The following NUDCD3 variants were observed in gnomAD, a reference collection of about 807,000 sequenced individuals.
NUDCD3 encodes the protein nudC domain-containing protein 3.
NUDCD3 carries 13 observed loss-of-function variants against 39.7 expected under a neutral mutation model. The observed-to-expected ratio is 0.33, with a 90% CI of 0.21 to 0.52. NUDCD3 has a LOEUF of 0.52. Ranked by LOEUF, NUDCD3 falls within the 20% of genes least tolerant of loss-of-function variation. The pLI is 0.96. For synonymous variants in NUDCD3, 175 were observed against 172.4 expected (o/e 1.02, Z -0.12); for missense variants, 453 against 458.1 (o/e 0.99, Z 0.10).
intron 2 of NUDCD3, among the ~76,000 whole-genome samples, chr7:44,443,600 G>A (rs563972161): frequency 1.3e-5 from 2 of 152,136 alleles, no homozygotes; most frequent in South Asian, 2.1e-4. Flanking sequence ...TAGTAGAGAC[G>A]GGGTTTCGCC....
At chr7:44,462,340 T>C (rs1800031646) in intron 2 of NUDCD3, among the ~76,000 whole-genome samples, 1 of 152,210 alleles carries the variant, frequency 6.6e-6, no homozygotes, top group Admixed American at 6.5e-5. Context: ...GAGTTACAGT[T>C]ACTGAACAAA....
intron 3 of NUDCD3, among the ~76,000 whole-genome samples, chr7:44,426,946 G>A (rs1318654549): frequency 6.6e-6 from 1 of 152,158 alleles, no homozygotes; most frequent in Non-Finnish European, 1.5e-5. Flanking sequence ...ATTAAAGGTT[G>A]TGGAGAATTA....
chr7:44,387,771 C>A (rs1185235971), intron 5 of NUDCD3, among the ~76,000 whole-genome samples: 2 of 152,180 alleles, frequency 1.3e-5, no homozygotes, highest in Non-Finnish European at 2.9e-5. Context: ...GTGCCAAGAT[C>A]AGCACTCAGA....
chr7:44,392,369 T>A lies in NUDCD3; in HGVS notation c.903A>T (p.Glu301Asp). The A allele has an allele frequency of 6.2e-7, 1 of 1,614,202 alleles. No individual in the cohort carries two copies. Among genetic ancestry groups the A allele is most frequent in the Non-Finnish European group, 8.5e-7 (1 of 1,180,020 alleles). ...AGGTAAGCCTGTCCAACACCGCCTG[T>A]TCCTCCTCATCCACGGTGGCCATGG... ...ERSMATVDEE[E>D]QAVLDRLTFD... is the part of the protein sequence containing the mutation. The change falls in exon 5 of 6, where the codon GAA (glutamate) becomes GAT (aspartate). Residue 301 changes from glutamate (E) to aspartate (D), a missense_variant. Transcript: ENST00000355451.
intron 3 of NUDCD3, among the ~76,000 whole-genome samples, chr7:44,425,474 T>A (rs1799216318): frequency 6.6e-6 from 1 of 152,196 alleles, no homozygotes; most frequent in Non-Finnish European, 1.5e-5. Context: ...CATTGTTACT[T>A]GAGATTTTTT....
At chr7:44,457,500 A>G (rs1233222168) in intron 2 of NUDCD3, among the ~76,000 whole-genome samples, 1 of 152,256 alleles carries the variant, frequency 6.6e-6, no homozygotes, top group Non-Finnish European at 1.5e-5. Flanking sequence ...AATCTATTGT[A>G]TTCCTATAAA....
intron 3 of NUDCD3, among the ~76,000 whole-genome samples, chr7:44,420,784 C>T (rs1182839748): frequency 6.6e-6 from 1 of 152,164 alleles, no homozygotes; most frequent in Non-Finnish European, 1.5e-5. Context: ...AAATCCTTTA[C>T]AGACAAGCAA....
chr7:44,484,736 C>A, intron 2 of NUDCD3: 1 of 462,126 alleles, frequency 2.2e-6, no homozygotes. Flanking sequence ...CTCTGGATCT[C>A]AAATGGTTGT....
At chr7:44,394,386 G>A (rs1453913581) in intron 4 of NUDCD3, among the ~76,000 whole-genome samples, 1 of 152,170 alleles carries the variant, frequency 6.6e-6, no homozygotes, top group East Asian at 1.9e-4. Context: ...ACGGGGACCT[G>A]ACTCACCCTC....
intron 2 of NUDCD3, among the ~76,000 whole-genome samples, chr7:44,448,790 G>GAA (rs1173628400): frequency 1.3e-5 from 2 of 151,184 alleles, no homozygotes; most frequent in Non-Finnish European, 3.0e-5. Flanking sequence ...GAGAGAGAGA[G>GAA]AAAAAAAAAC....
At chr7:44,389,015 C>A (rs1481127182) in intron 5 of NUDCD3, among the ~76,000 whole-genome samples, 1 of 152,228 alleles carries the variant, frequency 6.6e-6, no homozygotes, top group East Asian at 1.9e-4. Context: ...TGTTTGCAGG[C>A]ACAGGGACTT....
chr7:44,487,599 CTT>C (rs1030123070), intron 1 of NUDCD3, among the ~76,000 whole-genome samples: 2 of 152,138 alleles, frequency 1.3e-5, no homozygotes, highest in African/African-American at 4.8e-5. Context: ...CAATAAAACC[CTT>C]GTCAATACTG....
chr7:44,476,370 T>C (rs996658398), intron 2 of NUDCD3, among the ~76,000 whole-genome samples: 1 of 152,192 alleles, frequency 6.6e-6, no homozygotes, highest in Non-Finnish European at 1.5e-5. Flanking sequence ...AAAGTAATGT[T>C]ATTTGGAGGT....
intron 5 of NUDCD3, among the ~76,000 whole-genome samples, chr7:44,389,745 G>T (rs942306267): frequency 6.6e-6 from 1 of 152,154 alleles, no homozygotes; most frequent in African/African-American, 2.4e-5. Flanking sequence ...ATGTTACAAG[G>T]TGTTGGCACA....
intron 3 of NUDCD3, among the ~76,000 whole-genome samples, chr7:44,415,606 G>A (rs577509395): frequency 1.4e-4 from 21 of 152,286 alleles, no homozygotes; most frequent in African/African-American, 4.6e-4. Context: ...GAGCAAGTGT[G>A]AACTCATCAT....
At chr7:44,482,331 T>C (rs977523919) in intron 2 of NUDCD3, among the ~76,000 whole-genome samples, 1 of 152,088 alleles carries the variant, frequency 6.6e-6, no homozygotes, top group Admixed American at 6.6e-5. Context: ...AAGACCTCAC[T>C]AACAGCTGGA....
intron 2 of NUDCD3, among the ~76,000 whole-genome samples, chr7:44,442,219 T>C (rs1389773446): frequency 1.3e-5 from 2 of 152,200 alleles, no homozygotes; most frequent in African/African-American, 4.8e-5. Context: ...GAGGAGAAGC[T>C]ATCTTACTAG....
chr7:44,432,860 G>A (rs1414350328), intron 2 of NUDCD3, among the ~76,000 whole-genome samples: 5 of 152,186 alleles, frequency 3.3e-5, no homozygotes, highest in Middle Eastern at 3.2e-3. Context: ...TGTCCCCTCA[G>A]GAGAGGTCCC....
chr7:44,480,140 A>C (rs1173290107), intron 2 of NUDCD3, among the ~76,000 whole-genome samples: 1 of 152,230 alleles, frequency 6.6e-6, no homozygotes, highest in Admixed American at 6.5e-5. Flanking sequence ...ACTAACTCTA[A>C]TTCTAACCCA....
Sources: allele counts gnomAD v4.1 joint callset (sites outside exome capture counted in the v4.1 genomes callset), GRCh38; gene constraint gnomAD v4.1.1; transcripts MANE v1.5; gene names NCBI Gene and HGNC (gene_info 2026-07-23, HGNC 2026-07-21).